The following P2RX4 variants were observed in gnomAD, a reference collection of about 807,000 sequenced individuals.
P2RX4 encodes the protein P2X purinoceptor 4.
A neutral mutation model predicts 48.0 loss-of-function variants in P2RX4; 37 were observed. That is an observed-to-expected ratio of 0.77 (90% CI 0.59 to 1.01). The LOEUF (loss-of-function observed/expected upper bound fraction) is 1.01. Among genes scored for constraint, P2RX4 ranks in the 50% least tolerant of loss-of-function variants. P2RX4 has a pLI of 0.00. For synonymous variants in P2RX4, 200 were observed against 199.7 expected, an observed-to-expected ratio of 1.00 and a Z score of -0.01; for missense variants, 501 against 521.4, an observed-to-expected ratio of 0.96 and a Z score of 0.38.
chr12:121,233,300 G>A (rs1246094811), intron 11 of P2RX4: 7 of 639,090 alleles, frequency 1.1e-5, no homozygotes, highest in South Asian at 7.2e-5. Flanking sequence ...ACCCAGCCTC[G>A]TTTCAATGAG....
In P2RX4 at chr12:121,228,725, G is replaced by A; in HGVS notation, c.606G>A (p.Lys202=). ...ATTTTCTGCTTCCTCTCGACTTTAG[G>A]AGGAATATCCTTCCCAACATCACCA... ...NIWYPKFNFS[K]RNILPNITTT... is the part of the protein sequence containing the mutation. The change falls in exon 7 of 12, where the codon AAG becomes AAA. Residue 202 remains lysine (K), a splice_region_variant and synonymous_variant. Transcript: ENST00000337233. 1 of 1,613,968 alleles carries A rather than the reference G, an allele frequency of 6.2e-7. No individual in the cohort carries two copies. The highest frequency in any genetic ancestry group is 1.7e-5 in the Admixed American group (1 of 59,966).
intron 1 of P2RX4, chr12:121,214,535 T>C (rs1241088753): frequency 2.0e-5 from 3 of 152,204 alleles, no homozygotes; most frequent in Non-Finnish European, 4.4e-5. Flanking sequence ...CACATGATAA[T>C]GAGTGGCATG....
At chr12:121,230,891 C>T (rs950902601) in intron 8 of P2RX4, among the ~76,000 whole-genome samples, 4 of 151,520 alleles carry the variant, frequency 2.6e-5, no homozygotes, top group Admixed American at 2.0e-4. Context: ...CGCTCTCTCG[C>T]GTGCTCGCTC....
Position 121,233,610 on chromosome 12 carries a change from A to G in P2RX4, c.*61A>G, listed in dbSNP as rs965921182. On this transcript the variant is annotated 3_prime_UTR_variant, in exon 12 of 12. Transcript: ENST00000337233. ...CAAAGAACAGAGAGGAGGAGGAGGG[A>G]GAAATGGCCACCACATCACCCCAGA... is the stretch of plus-strand genomic sequence containing the variant. 1.3e-6 allele frequency: 2 copies of G among 1,579,336 alleles called. No homozygotes were observed. Among genetic ancestry groups the G allele is most frequent in the Admixed American group, 1.8e-5 (1 of 54,810 alleles).
rs144652663 is a variant in P2RX4 at position 121,233,386 on chromosome 12, G to C, written c.1141-137G>C. Reference sequence around the variant, plus strand: ...CACACACTACTTCAGTGCACCTTGCGGAACAGGAAGGGTTGGGTTCCAGGC... The same window carrying C: ...CACACACTACTTCAGTGCACCTTGCCGAACAGGAAGGGTTGGGTTCCAGGC... On this transcript the variant is annotated intron_variant, in intron 11 of 11. Coordinates refer to ENST00000337233, the MANE Select transcript of P2RX4 (RefSeq NM_002560.3). 9 of 861,978 alleles carry C rather than the reference G, an allele frequency of 1.0e-5. No individual in the cohort carries two copies. The Admixed American group carries it at 1.8e-4, about 18-fold the overall frequency. The allele number at this position is 861,978 out of a possible 1,614,324, so 53.4% of individuals were successfully genotyped here. A position where few individuals can be genotyped will look rare whatever the true frequency, so the allele number is the denominator to read the frequency against.
At chr12:121,217,090 A>G in intron 1 of P2RX4, 44 bp from the exon 2 acceptor site, 2 of 1,595,960 alleles carry the variant, frequency 1.3e-6, no homozygotes, top group Non-Finnish European at 1.7e-6. Flanking sequence ...ATTCAAATCC[A>G]TTGAATCCTA....
Position 121,217,226 on chromosome 12 carries a change from C to G in P2RX4, c.227C>G (p.Thr76Ser). 3 of 1,614,232 alleles carry G rather than the reference C, an allele frequency of 1.9e-6. No homozygotes were observed. ...TKVKGVAVTN[T>S]SKLGFRIWDV... ...GTCAAGGGCGTGGCTGTGACCAACA[C>G]TTCTAAACTTGGATTCCGGATCTGG... is the stretch of plus-strand genomic sequence containing the variant. The change falls in exon 2 of 12, where the codon ACT becomes AGT. Residue 76 changes from threonine to serine, a missense_variant. Around this residue, in one of 3 missense-constraint regions of P2RX4, gnomAD observed 295 missense variants for 275.3 expected, o/e 1.07. Coordinates refer to ENST00000337233, the MANE Select transcript of P2RX4 (RefSeq NM_002560.3).
chr12:121,226,613 C>A (rs941884469), intron 5 of P2RX4, among the ~76,000 whole-genome samples: 3 of 152,194 alleles, frequency 2.0e-5, no homozygotes, highest in African/African-American at 7.2e-5. Context: ...TATGAATGTA[C>A]TAAATGCCAC....
chr12:121,221,811 C>T (rs1247058252), intron 2 of P2RX4, 102 bp from the exon 3 acceptor site: 18 of 900,818 alleles, frequency 2.0e-5, no homozygotes, highest in African/African-American at 1.3e-4. Flanking sequence ...CGGGAGAGCA[C>T]GCGGTCAGTG....
At chr12:121,226,068 T>C (rs1232366814) in intron 5 of P2RX4, among the ~76,000 whole-genome samples, 3 of 151,688 alleles carry the variant, frequency 2.0e-5, no homozygotes, top group Admixed American at 2.0e-4. Context: ...AGACAGGGTC[T>C]CACCATGTTG....
intron 4 of P2RX4, chr12:121,222,637 C>G (rs1886713683): frequency 1.4e-6 from 1 of 720,260 alleles, no homozygotes; most frequent in African/African-American, 1.8e-5. Context: ...GTCTCGAACT[C>G]CTGACCTCAG....
At chr12:121,216,736 C>T (rs183037754) in intron 1 of P2RX4, 26 of 481,044 alleles carry the variant, frequency 5.4e-5, no homozygotes, top group Non-Finnish European at 1.1e-5. Flanking sequence ...AGGAGAATTG[C>T]CTGAACCCGG....
In P2RX4 at chr12:121,219,601, ATGGATGGATGGATG is replaced by A. The variant is rs1208509647; in HGVS notation, c.283-2311_283-2298del. On this transcript the variant is annotated intron_variant, in intron 2 of 11. Transcript: ENST00000337233. The stretch of plus-strand genomic sequence containing the variant: ...GGTGGATGGATGGATGGATGGATGG[ATGGATGGATGGATG>A]GATAGATAGATAGATAGATAGATAG... Among the ~76,000 whole-genome samples the A allele has an allele frequency of 4.8e-3, 550 of 114,224 alleles. 4 individuals carry two copies. The highest frequency in any genetic ancestry group is 0.016 in the African/African-American group (528 of 32,290). The allele number at this position is 114,224 out of a possible 152,430, so 74.9% of individuals were successfully genotyped here. A position where few individuals can be genotyped will look rare whatever the true frequency, so the allele number is the denominator to read the frequency against.
Position 121,222,171 on chromosome 12 carries a change from G to A in P2RX4, c.427+5G>A, listed in dbSNP as rs2288690. 9 of 1,606,950 alleles carry A rather than the reference G, an allele frequency of 5.6e-6. No homozygotes were observed. In the East Asian group the frequency reaches 8.9e-5, roughly 16 times the overall value. On this transcript the variant is annotated splice_donor_5th_base_variant and intron_variant, in intron 4 of 11. Coordinates refer to ENST00000337233, the MANE Select transcript of P2RX4 (RefSeq NM_002560.3). ...CTGCCGGCACCCACAGCAACGGTAC[G>A]AGCTTGTGGCCTCCTGGGGAGGGCG...
chr12:121,216,895 G>A, intron 1 of P2RX4: 7 of 701,444 alleles, frequency 1.0e-5, no homozygotes, highest in South Asian at 8.9e-5. Flanking sequence ...TGCCATCAGT[G>A]TGCTGAGTGC....
chr12:121,220,824 G>A (rs1479873972), intron 2 of P2RX4, among the ~76,000 whole-genome samples: 2 of 152,054 alleles, frequency 1.3e-5, no homozygotes, highest in Non-Finnish European at 2.9e-5. Flanking sequence ...CTGGCAACCC[G>A]TAAGTGCTTT....
intron 8 of P2RX4, among the ~76,000 whole-genome samples, chr12:121,230,993 T>TTCTTCTTTTTTAAGGGAGTGAC (rs1555238307): frequency 1.4e-5 from 2 of 147,876 alleles, no homozygotes; most frequent in African/African-American, 2.5e-5. Flanking sequence ...TTTTTTTTTT[T>TTCTTCTTTTTTAAGGGAGTGAC]TTCTTCTTTT....
chr12:121,215,544 A>G (rs554963203), intron 1 of P2RX4: 4 of 151,932 alleles, frequency 2.6e-5, no homozygotes, highest in South Asian at 2.1e-4. Flanking sequence ...CCCAGGCTCA[A>G]GTGATCCTCC....
chr12:121,214,015 A>G (rs939277456), intron 1 of P2RX4: 3 of 152,264 alleles, frequency 2.0e-5, no homozygotes, highest in Admixed American at 2.0e-4. Context: ...AGCCTGGGCA[A>G]CGTAGTGAAA....
Sources: gnomAD v4.1 joint callset for allele counts (sites outside exome capture counted in the v4.1 genomes callset) on GRCh38, gnomAD v4.1.1 for gene constraint, gnomAD v4.1.1 regional missense constraint, MANE v1.5 for transcripts, NCBI Gene and HGNC (gene_info 2026-07-23, HGNC 2026-07-21) for gene names.